The following TAS2R1 variants were observed in gnomAD, a reference collection of about 807,000 sequenced individuals.
TAS2R1 encodes the protein taste receptor type 2 member 1.
For missense variants in TAS2R1, 370 were observed against 353.4 expected (o/e 1.05, Z -0.38); for synonymous variants, 141 against 134.2 (o/e 1.05, Z -0.35).
intron 1 of TAS2R1, among the ~76,000 whole-genome samples, chr5:9,672,106 G>T (rs183254984): frequency 1.3e-5 from 2 of 152,158 alleles, no homozygotes; most frequent in Non-Finnish European, 1.5e-5. Context: ...GATTGATGCC[G>T]GACCCCTTCC....
chr5:9,727,277 C>T, the TAS2R1 span, among the ~76,000 whole-genome samples: 1 of 152,164 alleles, frequency 6.6e-6, no homozygotes, highest in Non-Finnish European at 1.5e-5. Context: ...AGTACATTTC[C>T]ACCAGGAAGC....
At chr5:9,725,175 C>T in the TAS2R1 span, among the ~76,000 whole-genome samples, 1 of 152,250 alleles carries the variant, frequency 6.6e-6, no homozygotes, top group South Asian at 2.1e-4. Flanking sequence ...CTTGCTCGCT[C>T]TGGGCGCCTC....
the TAS2R1 span, among the ~76,000 whole-genome samples, chr5:9,856,136 A>G: frequency 6.6e-6 from 1 of 152,216 alleles, no homozygotes; most frequent in Non-Finnish European, 1.5e-5. Flanking sequence ...TAGATAAAAT[A>G]TTTAAAACGT....
the TAS2R1 span, among the ~76,000 whole-genome samples, chr5:9,720,158 T>C: frequency 6.6e-6 from 1 of 152,166 alleles, no homozygotes; most frequent in Admixed American, 6.5e-5. Flanking sequence ...GGCAGTTAAA[T>C]AGTTGATTAT....
chr5:9,629,476 G>A lies in TAS2R1; in HGVS notation c.557C>T (p.Pro186Leu). The A allele has an allele frequency of 6.2e-7, 1 of 1,614,152 alleles. No individual in the cohort carries two copies. Among genetic ancestry groups the A allele is most frequent in the Non-Finnish European group, 8.5e-7 (1 of 1,180,034 alleles). ...IFSFVAEFSVPLLIFLFAVLL... is the reference protein window; with the variant it reads ...IFSFVAEFSVLLLIFLFAVLL... ...AACAGCAAAAAGGAAGATAAGCAAT[G>A]GCACTGAGAACTCAGCAACAAAAGA... The change falls in exon 1 of 1, where the codon CCA becomes CTA. Residue 186 changes from proline to leucine, a missense_variant. By Grantham distance (98) the Pro-to-Leu change is moderately conservative (BLOSUM62 -3). Coordinates refer to ENST00000382492, the MANE Select transcript of TAS2R1 (RefSeq NM_019599.3).
chr5:9,815,280 G>A, the TAS2R1 span, among the ~76,000 whole-genome samples: 1 of 152,202 alleles, frequency 6.6e-6, no homozygotes, highest in Non-Finnish European at 1.5e-5. Flanking sequence ...GAAAATACCA[G>A]AAATGTGGAT....
chr5:9,638,669 G>T (rs979122887), intron 2 of TAS2R1, among the ~76,000 whole-genome samples: 6 of 152,106 alleles, frequency 3.9e-5, no homozygotes, highest in African/African-American at 1.4e-4. Context: ...GTGATGTGTG[G>T]GGCCATAAAG....
chr5:9,674,792 T>C (rs916030700), intron 1 of TAS2R1, among the ~76,000 whole-genome samples: 2 of 152,092 alleles, frequency 1.3e-5, no homozygotes, highest in Non-Finnish European at 2.9e-5. Context: ...AATTAAATTA[T>C]GGGAACAAGG....
At chr5:9,804,483 A>G in the TAS2R1 span, among the ~76,000 whole-genome samples, 12,340 of 152,220 alleles carry the variant, frequency 0.081, 1,487 homozygotes, top group African/African-American at 0.26. Context: ...AAGATAGACC[A>G]TATGATAGGC....
intron 1 of TAS2R1, among the ~76,000 whole-genome samples, chr5:9,675,419 C>CTT (rs35909213): frequency 9.9e-4 from 135 of 135,772 alleles, no homozygotes; most frequent in African/African-American, 3.3e-3. Flanking sequence ...TTTTCTTTTT[C>CTT]TTTTTTTTTT....
At chr5:9,830,950 T>C in the TAS2R1 span, among the ~76,000 whole-genome samples, 4 of 152,182 alleles carry the variant, frequency 2.6e-5, no homozygotes, top group Non-Finnish European at 5.9e-5. Flanking sequence ...TTCCAGTAAA[T>C]TCCTATGCAT....
chr5:9,765,428 C>A, the TAS2R1 span: 1 of 148,792 alleles, frequency 6.7e-6, no homozygotes, highest in Non-Finnish European at 1.5e-5. Context: ...AACTCTAGCA[C>A]AAATTAGGTA....
At chr5:9,772,161 G>C in the TAS2R1 span, among the ~76,000 whole-genome samples, 4 of 151,684 alleles carry the variant, frequency 2.6e-5, no homozygotes, top group African/African-American at 9.7e-5. Context: ...TTCCCTCTTA[G>C]TACTGTTTTT....
chr5:9,732,830 G>A, the TAS2R1 span, among the ~76,000 whole-genome samples: 1 of 152,318 alleles, frequency 6.6e-6, no homozygotes, highest in Non-Finnish European at 1.5e-5. Flanking sequence ...TGATCATAGA[G>A]GGTAGCAAGT....
At chr5:9,663,226 G>GA (rs1412828703) in intron 1 of TAS2R1, among the ~76,000 whole-genome samples, 1 of 151,952 alleles carries the variant, frequency 6.6e-6, no homozygotes, top group East Asian at 1.9e-4. Context: ...TGTGCTAAAA[G>GA]AAAAAATGAC....
chr5:9,653,251 C>T (rs1229838252), intron 2 of TAS2R1, among the ~76,000 whole-genome samples: 2 of 152,206 alleles, frequency 1.3e-5, no homozygotes, highest in Non-Finnish European at 2.9e-5. Context: ...TTGTAACATA[C>T]GTCAGAATGT....
At chr5:9,834,289 G>T in the TAS2R1 span, among the ~76,000 whole-genome samples, 1 of 152,226 alleles carries the variant, frequency 6.6e-6, no homozygotes. Context: ...TCCTCGTTTA[G>T]AAATCTAAGC....
At chr5:9,762,603 T>C in the TAS2R1 span, among the ~76,000 whole-genome samples, 2 of 152,368 alleles carry the variant, frequency 1.3e-5, no homozygotes, top group East Asian at 3.9e-4. Flanking sequence ...AATGGGTTTC[T>C]GTGTGAAAAT....
the TAS2R1 span, chr5:9,883,399 T>TA: frequency 1.3e-5 from 2 of 151,832 alleles, no homozygotes; most frequent in Admixed American, 6.6e-5. Flanking sequence ...AATAAATAAA[T>TA]AAAAATAAAA....
Sources: gnomAD v4.1 joint callset for allele counts (sites outside exome capture counted in the v4.1 genomes callset) on GRCh38, gnomAD v4.1.1 for gene constraint, MANE v1.5 for transcripts, NCBI Gene and HGNC (gene_info 2026-07-23, HGNC 2026-07-21) for gene names.